The following NDRG2 variants were observed in gnomAD, a reference collection of about 807,000 sequenced individuals.
The protein encoded by NDRG2 is NDRG family member 2, also known as protein NDRG2.
NDRG2 carries 34 observed loss-of-function variants against 58.2 expected under a neutral mutation model. The observed-to-expected ratio is 0.58, with a 90% CI of 0.44 to 0.78. The LOEUF (loss-of-function observed/expected upper bound fraction) is 0.78. NDRG2 is among the 30% of genes least tolerant of loss of function. The pLI is 0.00. For synonymous variants in NDRG2, 187 were observed against 175.9 expected, an observed-to-expected ratio of 1.06 and a Z score of -0.50; for missense variants, 434 against 471.2, an observed-to-expected ratio of 0.92 and a Z score of 0.73.
chr14:21,057,414 C>T (rs972768878), intron 1 of NDRG2, among the ~76,000 whole-genome samples: 9 of 150,534 alleles, frequency 6.0e-5, no homozygotes, highest in East Asian at 2.0e-4. Flanking sequence ...CCAGCATGGG[C>T]GACAAGAGCG....
At chr14:21,057,698 G>A (rs182325906) in intron 1 of NDRG2, 14 of 549,592 alleles carry the variant, frequency 2.5e-5, no homozygotes, top group African/African-American at 2.5e-4. Context: ...GTGTTTATTA[G>A]AGGCACAAAA....
rs1879157740 is a variant in NDRG2, at chr14:21,019,925, T to C, written c.607A>G (p.Ser203Gly). The part of the protein sequence containing the change: ...IPEMILGHLF[S>G]QEELSGNSEL... ...CATCTCCTACACCCACTTACCTGGC[T>C]GAAAAGATGTCCAAGGATCATCTCC... Residue 203 changes from serine to glycine, a missense_variant, in exon 9 of 16, where the codon AGC becomes GGC. Coordinates refer to ENST00000556147, the MANE Select transcript of NDRG2 (RefSeq NM_001320329.2). 6.2e-7 allele frequency: 1 copy of C among 1,614,062 alleles called. No homozygotes were observed. The highest frequency in any genetic ancestry group is 8.5e-7 in the Non-Finnish European group (1 of 1,179,998).
intron 1 of NDRG2, among the ~76,000 whole-genome samples, chr14:21,038,031 G>T (rs1884729013): frequency 6.6e-6 from 1 of 152,160 alleles, no homozygotes; most frequent in Non-Finnish European, 1.5e-5. Context: ...TCCAATTCAA[G>T]TTGCTCAAAC....
chr14:21,028,096 G>A (rs1049053231), upstream of NDRG2, among the ~76,000 whole-genome samples: 1 of 152,060 alleles, frequency 6.6e-6, no homozygotes, highest in Non-Finnish European at 1.5e-5. Context: ...ACATATCTAG[G>A]ATTCATTTCC....
intron 1 of NDRG2, among the ~76,000 whole-genome samples, chr14:21,064,260 T>C (rs1038469292): frequency 4.6e-5 from 7 of 152,092 alleles, no homozygotes; most frequent in African/African-American, 1.4e-4. Flanking sequence ...TCCCTAAAAT[T>C]GAGAGTGACT....
At chr14:21,068,573 C>T (rs1243931460) in intron 1 of NDRG2, among the ~76,000 whole-genome samples, 1 of 152,006 alleles carries the variant, frequency 6.6e-6, no homozygotes, top group Admixed American at 6.6e-5. Context: ...TAAACACTGG[C>T]CCCTGTAACC....
chr14:21,044,367 G>A (rs1885049020), intron 1 of NDRG2: 1 of 152,660 alleles, frequency 6.6e-6, no homozygotes, highest in Non-Finnish European at 1.5e-5. Context: ...CCCTTGGCCT[G>A]AAGACATAAG....
At chr14:21,042,576 T>G in intron 1 of NDRG2, 1 of 197,478 alleles carries the variant, frequency 5.1e-6, no homozygotes, top group Non-Finnish European at 1.0e-5. Context: ...AGGACACGCA[T>G]TGGGGAAAGG....
At chr14:21,058,884 T>C (rs1399114541) in intron 1 of NDRG2, among the ~76,000 whole-genome samples, 1 of 152,040 alleles carries the variant, frequency 6.6e-6, no homozygotes, top group East Asian at 1.9e-4. Flanking sequence ...TTGGGGTAAG[T>C]GGAGAGGTTT....
At chr14:21,045,559 G>T (rs1213575181) in intron 1 of NDRG2, among the ~76,000 whole-genome samples, 1 of 152,102 alleles carries the variant, frequency 6.6e-6, no homozygotes, top group Admixed American at 6.5e-5. Flanking sequence ...TGGGGCAGCC[G>T]ATTTTTCTCT....
rs1251292494 is a variant in NDRG2 at position 21,020,796 on chromosome 14, C to G, written c.456G>C (p.Leu152=). ...GVGVGAGAYI[L]ARYALNHPDT... ...TTTTATTTCTTACAGCATATCTCGC[C>G]AGGATGTAGGCTCCAGCTCCAACAC... Residue 152 remains leucine, a synonymous_variant, in exon 7 of 16, where the codon CTG becomes CTC. Transcript: ENST00000556147. The G allele has an allele frequency of 2.5e-6, 4 of 1,614,052 alleles. No individual in the cohort carries two copies. In the South Asian group the frequency reaches 4.4e-5, roughly 18 times the overall value.
intron 1 of NDRG2, among the ~76,000 whole-genome samples, chr14:21,051,876 A>T (rs1885485032): frequency 6.6e-6 from 1 of 152,200 alleles, no homozygotes; most frequent in African/African-American, 2.4e-5. Flanking sequence ...GCTGTCCTTC[A>T]GGCCAGCAAA....
chr14:21,021,905 AG>A, intron 5 of NDRG2, 26 bp from the exon 6 acceptor site: 1 of 1,612,094 alleles, frequency 6.2e-7, no homozygotes, highest in East Asian at 2.2e-5. Context: ...ATGTTAAGGA[AG>A]ATACCAACCT....
At chr14:21,028,685 A>C (rs1883861632), upstream of NDRG2, among the ~76,000 whole-genome samples, 1 of 152,134 alleles carries the variant, frequency 6.6e-6, no homozygotes, top group Non-Finnish European at 1.5e-5. Flanking sequence ...TGTTTTGTGA[A>C]AATTAATCTG....
intron 1 of NDRG2, among the ~76,000 whole-genome samples, chr14:21,064,374 T>C (rs1024054924): frequency 6.7e-6 from 1 of 150,302 alleles, no homozygotes; most frequent in African/African-American, 2.4e-5. Context: ...TGATCTTGGC[T>C]CACTGCAACC....
upstream of NDRG2, among the ~76,000 whole-genome samples, chr14:21,029,513 C>T (rs935789122): frequency 1.3e-5 from 2 of 152,206 alleles, no homozygotes; most frequent in Non-Finnish European, 2.9e-5. Context: ...ATGAGAGTCG[C>T]TTGAATCCTG....
upstream of NDRG2, chr14:21,025,478 A>G: frequency 1.0e-6 from 1 of 985,452 alleles, no homozygotes; most frequent in Non-Finnish European, 1.2e-6. This position sits in a 1 kb window ranked among gnomAD's most constrained non-coding sequence, Gnocchi z 5.1. Flanking sequence ...AACCCGGGAT[A>G]CTGACACCCC....
rs908169431 is a variant in NDRG2 at position 21,031,787 on chromosome 14, G to A, written c.25-8466C>T. On this transcript the variant is annotated intron_variant, in intron 1 of 14. Coordinates refer to the NDRG2 transcript ENST00000403829. ...AGCAGCACCCCATGCCAGTGGCAGA[G>A]CAAGAGCTCCAAGCACTTGTTCTAA... 1.8e-5 allele frequency: 23 copies of A among 1,301,642 alleles called. No individual in the cohort carries two copies. In the African/African-American group the frequency reaches 1.9e-4, roughly 11 times the overall value. 80.6% of individuals were successfully genotyped at this position (1,301,642 alleles called of 1,614,324 possible).
Position 21,017,407 on chromosome 14 carries a change from C to A in NDRG2, c.*189G>T. ...GTCCCTAAGAGATATTAGGACATCT[C>A]TTCCAGGAGCTGGGGGGAATCACGG... On this transcript the variant is annotated 3_prime_UTR_variant, in exon 16 of 16. Coordinates refer to ENST00000556147, the MANE Select transcript of NDRG2 (RefSeq NM_001320329.2). 1.5e-6 allele frequency: 1 copy of A among 677,648 alleles called. No individual in the cohort carries two copies. The highest frequency in any genetic ancestry group is 2.5e-6 in the Non-Finnish European group (1 of 404,820). The allele number at this position is 677,648 out of a possible 1,614,324, so 42.0% of individuals were successfully genotyped here. A position where few individuals can be genotyped will look rare whatever the true frequency, so the allele number is the denominator to read the frequency against.
Sources: gnomAD v4.1 joint callset for allele counts (sites outside exome capture counted in the v4.1 genomes callset) on GRCh38, gnomAD v4.1.1 for gene constraint, Gnocchi (gnomAD v3.1) non-coding constraint, MANE v1.5 for transcripts, NCBI Gene and HGNC (gene_info 2026-07-23, HGNC 2026-07-21) for gene names.